The following TTC29 variants were observed in gnomAD, a reference collection of about 807,000 sequenced individuals.
The protein encoded by TTC29 is tetratricopeptide repeat domain 29, also known as tetratricopeptide repeat protein 29.
A neutral mutation model predicts 58.1 loss-of-function variants in TTC29; 49 were observed. The observed-to-expected ratio is 0.84, with a 90% CI of 0.67 to 1.07. The LOEUF is 1.07. Ranked by LOEUF, TTC29 falls within the 50% of genes least tolerant of loss-of-function variation. The pLI is 0.00. For missense variants in TTC29, 582 were observed against 555.6 expected (o/e 1.05, Z -0.48); for synonymous variants, 209 against 196.8 (o/e 1.06, Z -0.52).
intron 9 of TTC29, among the ~76,000 whole-genome samples, chr4:146,823,212 A>G (rs887214828): frequency 1.8e-4 from 27 of 151,774 alleles, no homozygotes; most frequent in African/African-American, 6.5e-4. Context: ...GTCTAGGTTT[A>G]CTTCTAGGGT....
At chr4:146,867,250 T>C (rs560821074) in intron 8 of TTC29, among the ~76,000 whole-genome samples, 5 of 152,268 alleles carry the variant, frequency 3.3e-5, no homozygotes, top group Non-Finnish European at 7.4e-5. Context: ...TTACTCTATT[T>C]ATTTAATTTT....
chr4:146,877,666 C>T (rs58570026), intron 6 of TTC29, among the ~76,000 whole-genome samples: 9,058 of 151,962 alleles, frequency 0.06, 370 homozygotes, highest in Admixed American at 0.13. Flanking sequence ...AAGATGTATA[C>T]AAGAGTTCCT....
At chr4:146,766,923 A>AT in intron 11 of TTC29, among the ~76,000 whole-genome samples, 1 of 152,194 alleles carries the variant, frequency 6.6e-6, no homozygotes, top group Non-Finnish European at 1.5e-5. Flanking sequence ...ATTGTTTAAG[A>AT]TAAAAAAAAG....
rs1014581871 is a variant in TTC29 at position 146,911,390 on chromosome 4, G to A, written c.177-2141C>T. On this transcript the variant is annotated intron_variant, in intron 4 of 12. Transcript: ENST00000325106. The stretch of plus-strand genomic sequence containing the variant: ...AGGAAGACACAGCTAAAACTGAAAT[G>A]AGCATACTGGGGAGCTCCTGAAGGG... Among the ~76,000 whole-genome samples, 26 of 152,186 alleles carry A rather than the reference G, an allele frequency of 1.7e-4. 1 individual carries two copies. The highest frequency in any genetic ancestry group is 2.9e-5 in the Non-Finnish European group (2 of 68,036).
Position 146,848,350 on chromosome 4 carries a change from C to T in TTC29, c.886-14453G>A, listed in dbSNP as rs552052945. On this transcript the variant is annotated intron_variant, in intron 8 of 12. Coordinates refer to ENST00000325106, the MANE Select transcript of TTC29 (RefSeq NM_031956.4). The stretch of plus-strand genomic sequence containing the variant: ...CCAATGCTAAGAAATAATGTTTTTA[C>T]ACAGTTTACTGTGTAATATTATAAG... 3.9e-5 allele frequency among the ~76,000 whole-genome samples: 6 copies of T among 152,256 alleles called. No homozygotes were observed. In the South Asian group the frequency reaches 1.2e-3, roughly 32 times the overall value.
At chr4:146,736,713 A>G (rs1166652833) in intron 11 of TTC29, among the ~76,000 whole-genome samples, 3 of 152,204 alleles carry the variant, frequency 2.0e-5, no homozygotes, top group Non-Finnish European at 4.4e-5. Flanking sequence ...AAGGACATAA[A>G]ATGATCCTGA....
intron 7 of TTC29, among the ~76,000 whole-genome samples, chr4:146,870,084 G>T (rs1730834128): frequency 6.6e-6 from 1 of 152,092 alleles, no homozygotes; most frequent in African/African-American, 2.4e-5. Context: ...AAGGGGAATT[G>T]GGAGAGCCAA....
At chr4:146,750,908 A>T (rs573709938) in intron 11 of TTC29, among the ~76,000 whole-genome samples, 2 of 152,254 alleles carry the variant, frequency 1.3e-5, no homozygotes, top group African/African-American at 4.8e-5. Context: ...AAATTATCCA[A>T]TCAAAAGATA....
intron 6 of TTC29, among the ~76,000 whole-genome samples, chr4:146,895,140 G>A (rs751611637): frequency 1.3e-5 from 2 of 152,158 alleles, no homozygotes; most frequent in African/African-American, 4.8e-5. Context: ...CTATGTCCCT[G>A]CAAGGGACAT....
At chr4:146,775,938 T>G (rs1321092567) in intron 11 of TTC29, among the ~76,000 whole-genome samples, 2 of 152,236 alleles carry the variant, frequency 1.3e-5, no homozygotes, top group Non-Finnish European at 2.9e-5. Flanking sequence ...TCTCAAATGG[T>G]CTCTTTCCAT....
At chr4:146,809,796 A>G (rs575776880) in intron 10 of TTC29, among the ~76,000 whole-genome samples, 1 of 150,062 alleles carries the variant, frequency 6.7e-6, no homozygotes, top group African/African-American at 2.4e-5. Flanking sequence ...AGAAATAGAA[A>G]CGTTTTTATC....
intron 11 of TTC29, among the ~76,000 whole-genome samples, chr4:146,716,113 C>G (rs1489048649): frequency 6.6e-6 from 1 of 151,996 alleles, no homozygotes; most frequent in Non-Finnish European, 1.5e-5. Context: ...ATAAGAAAGC[C>G]TGTCTCTAAT....
intron 8 of TTC29, among the ~76,000 whole-genome samples, chr4:146,864,830 C>T (rs927262985): frequency 3.3e-5 from 5 of 151,994 alleles, no homozygotes; most frequent in African/African-American, 1.2e-4. Flanking sequence ...TAGAGCCCAC[C>T]TAGATAATCC....
At chr4:146,903,501 C>A in intron 6 of TTC29, 43 bp downstream of exon 6, 2 of 1,523,574 alleles carry the variant, frequency 1.3e-6, no homozygotes, top group Non-Finnish European at 8.9e-7. Context: ...ATCTCAGGAT[C>A]CACCAAAACA....
chr4:146,719,837 GA>G (rs960005890), intron 11 of TTC29, among the ~76,000 whole-genome samples: 4 of 149,888 alleles, frequency 2.7e-5, no homozygotes, highest in Admixed American at 6.6e-5. Flanking sequence ...GTCAGAAAAA[GA>G]AAAAAAAAGC....
At position 146,827,458 on chromosome 4, in the gene TTC29, T is replaced by A. The variant is rs372478764; in HGVS notation, c.977+6348A>T. Among the ~76,000 whole-genome samples the A allele has an allele frequency of 3.5e-4, 53 of 152,334 alleles. No individual in the cohort carries two copies. The South Asian group carries it at 0.01, about 30-fold the overall frequency. On this transcript the variant is annotated intron_variant, in intron 9 of 12. Coordinates refer to ENST00000325106, the MANE Select transcript of TTC29 (RefSeq NM_031956.4). ...ATTAGGGTTATCTCCTTGCATAACCTCCCAAGGTTTGGAAAACATTCATTT... is the reference window on the plus strand; with the variant it reads ...ATTAGGGTTATCTCCTTGCATAACCACCCAAGGTTTGGAAAACATTCATTT...
intron 8 of TTC29, among the ~76,000 whole-genome samples, chr4:146,864,721 C>T (rs892044188): frequency 3.2e-4 from 49 of 152,220 alleles, no homozygotes; most frequent in African/African-American, 1.1e-3. Flanking sequence ...GCACTCTCTG[C>T]CCTTGTCTTC....
chr4:146,730,715 T>C (rs1318200890), intron 11 of TTC29, among the ~76,000 whole-genome samples: 1 of 152,110 alleles, frequency 6.6e-6, no homozygotes, highest in East Asian at 1.9e-4. Flanking sequence ...ATGGGTCAAA[T>C]AAGATGAAGA....
intron 4 of TTC29, among the ~76,000 whole-genome samples, chr4:146,926,263 A>T (rs1185405820): frequency 2.0e-5 from 3 of 152,134 alleles, no homozygotes; most frequent in African/African-American, 4.8e-5. Flanking sequence ...TAAAGAACTG[A>T]TGTATGTCTT....
Sources: gnomAD v4.1 joint callset for allele counts (sites outside exome capture counted in the v4.1 genomes callset) on GRCh38, gnomAD v4.1.1 for gene constraint, MANE v1.5 for transcripts, NCBI Gene and HGNC (gene_info 2026-07-23, HGNC 2026-07-21) for gene names.